CAMK2B: variants seen among roughly 807,000 people sequenced by gnomAD.
The protein encoded by CAMK2B is calcium/calmodulin dependent protein kinase II beta, also known as calcium/calmodulin-dependent protein kinase type II subunit beta.
A neutral mutation model predicts 93.7 loss-of-function variants in CAMK2B; 27 were observed. The ratio of observed to expected loss-of-function variants is 0.29; its 90% CI spans 0.21 to 0.40. CAMK2B has a LOEUF of 0.40. Among genes scored for constraint, CAMK2B ranks in the 10% least tolerant of loss-of-function variants. The probability of loss-of-function intolerance (pLI) is 1.00; values close to 1 mark genes in which losing one functional copy is unlikely to be tolerated. For synonymous variants in CAMK2B, 374 were observed against 358.8 expected (o/e 1.04, Z -0.48); for missense variants, 568 against 895.8 (o/e 0.63, Z 4.67).
rs2096470319 is a variant in CAMK2B, at chr7:44,225,916, G to A, written c.1597+600C>T. 6.2e-6 allele frequency: 8 copies of A among 1,282,964 alleles called. No individual in the cohort carries two copies. Among genetic ancestry groups the A allele is most frequent in the Admixed American group, 2.3e-5 (1 of 43,242 alleles). The allele number at this position is 1,282,964 out of a possible 1,614,324, so 79.5% of individuals were successfully genotyped here. A position where few individuals can be genotyped will look rare whatever the true frequency, so the allele number is the denominator to read the frequency against. ...CCTGTAAGTGATACTGCGGGTAGTC[G>A]GCAGACAGACCGGGAGGTGGCCCAG... is the stretch of plus-strand genomic sequence containing the variant. On this transcript the variant is annotated intron_variant, in intron 20 of 23. Coordinates refer to ENST00000395749, the MANE Select transcript of CAMK2B (RefSeq NM_001220.5). The surrounding 1 kb of genome is among the most constrained non-coding windows in gnomAD (Gnocchi z 5.0).
rs771606853 is a variant in CAMK2B at position 44,220,854 on chromosome 7, C to T, written c.1645G>A (p.Val549Ile). Reference protein sequence around the residue: ...IKTTEQLIEAVNNGDFEAYAK... With the variant: ...IKTTEQLIEAINNGDFEAYAK... Reference sequence around the variant, plus strand: ...TAGGCCTCAAAGTCACCGTTGTTGACGGCCTCGATGAGCTGCTCCGTGGTC... The same window carrying T: ...TAGGCCTCAAAGTCACCGTTGTTGATGGCCTCGATGAGCTGCTCCGTGGTC... Residue 549 changes from valine to isoleucine, a missense_variant, in exon 21 of 24, where the codon GTC becomes ATC. Val to Ile is a conservative substitution (Grantham distance 29). Coordinates refer to ENST00000395749, the MANE Select transcript of CAMK2B (RefSeq NM_001220.5). 7.4e-5 allele frequency: 117 copies of T among 1,571,988 alleles called. No individual in the cohort carries two copies. Among genetic ancestry groups the T allele is most frequent in the Non-Finnish European group, 9.3e-5 (108 of 1,157,796 alleles).
intron 1 of CAMK2B, among the ~76,000 whole-genome samples, chr7:44,288,441 G>T (rs1584642296): frequency 6.6e-6 from 1 of 152,344 alleles, no homozygotes; most frequent in Non-Finnish European, 1.5e-5. Context: ...GCCGGAAGAG[G>T]TGCTCCTACG....
chr7:44,281,895 C>T (rs2097105216), intron 2 of CAMK2B, among the ~76,000 whole-genome samples: 1 of 152,210 alleles, frequency 6.6e-6, no homozygotes, highest in Non-Finnish European at 1.5e-5. Flanking sequence ...ACCTGCCTCA[C>T]TCCAGGCCCC....
chr7:44,280,467 A>G (rs1195960042), intron 2 of CAMK2B, among the ~76,000 whole-genome samples: 1 of 152,150 alleles, frequency 6.6e-6, no homozygotes, highest in African/African-American at 2.4e-5. Flanking sequence ...GGCCCCTGAT[A>G]AGGAAGGGCC....
chr7:44,245,639 G>A (rs2096722736), intron 6 of CAMK2B, among the ~76,000 whole-genome samples: 1 of 152,176 alleles, frequency 6.6e-6, no homozygotes, highest in African/African-American at 2.4e-5. Flanking sequence ...GCGCCTGAGT[G>A]AGGCTGACTC....
chr7:44,220,873 C>G lies in CAMK2B; in HGVS notation c.1626G>C (p.Thr542=), dbSNP rs765046520. Residue 542 remains threonine (T), a synonymous_variant, in exon 21 of 24, where the codon ACG becomes ACC. Transcript: ENST00000395749. ...TGTTGACGGCCTCGATGAGCTGCTC[C>G]GTGGTCTTAATGATCTCCTGCTTCC... The part of the protein sequence containing the change: ...PSRKQEIIKT[T]EQLIEAVNNG... 15 of 1,573,022 alleles carry G rather than the reference C, an allele frequency of 9.5e-6. No individual in the cohort carries two copies. The highest frequency in any genetic ancestry group is 1.3e-5 in the Non-Finnish European group (15 of 1,158,224).
At chr7:44,301,239 C>T (rs959492940) in intron 1 of CAMK2B, among the ~76,000 whole-genome samples, 3 of 152,152 alleles carry the variant, frequency 2.0e-5, no homozygotes, top group Admixed American at 6.5e-5. Context: ...ATGATCCTCC[C>T]GCCTCAGCCT....
chr7:44,264,570 A>G (rs1346889672), intron 2 of CAMK2B, among the ~76,000 whole-genome samples: 1 of 152,178 alleles, frequency 6.6e-6, no homozygotes, highest in African/African-American at 2.4e-5. Context: ...GATCTGGCAG[A>G]GCCTCCAGGT....
At chr7:44,285,072 A>G (rs1784682209) in intron 1 of CAMK2B, among the ~76,000 whole-genome samples, 1 of 152,116 alleles carries the variant, frequency 6.6e-6, no homozygotes, top group Admixed American at 6.5e-5. Context: ...TGGCCTGCAG[A>G]GGAGCTCCTG....
intron 1 of CAMK2B, among the ~76,000 whole-genome samples, chr7:44,293,637 A>C (rs1056844731): frequency 6.6e-6 from 1 of 152,230 alleles, no homozygotes; most frequent in Non-Finnish European, 1.5e-5. Flanking sequence ...GGCATTAGTT[A>C]GATTATCTTA....
intron 1 of CAMK2B, among the ~76,000 whole-genome samples, chr7:44,322,434 T>C (rs1307202163): frequency 2.0e-5 from 3 of 152,120 alleles, no homozygotes; most frequent in Non-Finnish European, 4.4e-5. Flanking sequence ...GACAAAAGAG[T>C]AACCATTTTC....
At chr7:44,305,628 G>GT (rs1007868426) in intron 1 of CAMK2B, among the ~76,000 whole-genome samples, 7 of 152,340 alleles carry the variant, frequency 4.6e-5, no homozygotes, top group African/African-American at 1.7e-4. Context: ...GGTGGGGGAG[G>GT]TGGGAGCAAG....
chr7:44,231,410 T>G (rs896332147), intron 16 of CAMK2B, among the ~76,000 whole-genome samples: 4 of 152,144 alleles, frequency 2.6e-5, no homozygotes, highest in Middle Eastern at 3.2e-3. Flanking sequence ...CCACCCTGCA[T>G]CCCCAACACA....
intron 1 of CAMK2B, among the ~76,000 whole-genome samples, chr7:44,302,294 TG>T (rs2129181020): frequency 6.6e-6 from 1 of 152,330 alleles, no homozygotes; most frequent in South Asian, 2.1e-4. Flanking sequence ...AGGCCCAGAT[TG>T]GTTCATTGGT....
chr7:44,239,776 A>C (rs2096659339), intron 12 of CAMK2B, 113 bp from the exon 13 acceptor site: 1 of 744,714 alleles, frequency 1.3e-6, no homozygotes, highest in Non-Finnish European at 2.3e-6. Context: ...GATTAGAGTT[A>C]AAGTTTAGGT....
chr7:44,241,875 C>T (rs1361851656), intron 10 of CAMK2B, 92 bp from the exon 11 acceptor site: 3 of 1,044,882 alleles, frequency 2.9e-6, no homozygotes, highest in South Asian at 1.4e-5. Context: ...GGGGTCCCCA[C>T]TTGCCAAGAG....
chr7:44,312,516 G>C lies in CAMK2B; in HGVS notation c.65+12841C>G, dbSNP rs554727718. 6.6e-6 allele frequency among the ~76,000 whole-genome samples: 1 copy of C among 152,266 alleles called. No individual in the cohort carries two copies. The highest frequency in any genetic ancestry group is 1.9e-4 in the East Asian group (1 of 5,164). The stretch of plus-strand genomic sequence containing the variant: ...GGGGAGGATGATGAGGCTGGAGAAA[G>C]AAACAGCCCCAGGTCCTTCCCGGGA... On this transcript the variant is annotated intron_variant, in intron 1 of 23. Coordinates refer to ENST00000395749, the MANE Select transcript of CAMK2B (RefSeq NM_001220.5). This position sits in a 1 kb window ranked among gnomAD's most constrained non-coding sequence, Gnocchi z 4.1.
chr7:44,288,884 G>A (rs558320950), intron 1 of CAMK2B, among the ~76,000 whole-genome samples: 50 of 152,258 alleles, frequency 3.3e-4, no homozygotes, highest in African/African-American at 1.1e-3. Context: ...CACCTGCGAG[G>A]AGAGGTGCTG....
chr7:44,315,301 A>G (rs1178921075), intron 1 of CAMK2B, among the ~76,000 whole-genome samples: 2 of 152,108 alleles, frequency 1.3e-5, no homozygotes, highest in Non-Finnish European at 2.9e-5. Context: ...GCATGTGGAT[A>G]CTCAATTGTC....
Sources: allele counts gnomAD v4.1 joint callset (sites outside exome capture counted in the v4.1 genomes callset), GRCh38; gene constraint gnomAD v4.1.1; non-coding constraint Gnocchi (gnomAD v3.1); transcripts MANE v1.5; gene names NCBI Gene and HGNC (gene_info 2026-07-23, HGNC 2026-07-21).